Variants in MMP16 observed in about 807,000 individuals in gnomAD.
MMP16 encodes matrix metallopeptidase 16, also known as matrix metalloproteinase-16.
In MMP16, 12 loss-of-function variants were observed where a neutral mutation model predicts 67.8. That is an observed-to-expected ratio of 0.18 (90% CI 0.11 to 0.29). MMP16 has a LOEUF of 0.29. MMP16 is among the 10% of genes least tolerant of loss of function. MMP16 has a pLI of 1.00. For synonymous variants in MMP16, 249 were observed against 255.9 expected (o/e 0.97, Z 0.26); for missense variants, 475 against 765.7 (o/e 0.62, Z 4.48).
intron 1 of MMP16, among the ~76,000 whole-genome samples, chr8:88,206,199 T>C (rs375584553): frequency 2.0e-5 from 3 of 152,116 alleles, no homozygotes; most frequent in East Asian, 1.9e-4. Flanking sequence ...ACTTTGATGG[T>C]GTTAAGTACA....
chr8:88,255,131 T>C lies in MMP16; in HGVS notation c.133-57825A>G, dbSNP rs73290632. On this transcript the variant is annotated intron_variant, in intron 1 of 9. Coordinates refer to ENST00000286614, the MANE Select transcript of MMP16 (RefSeq NM_005941.5). ...GGACATGGGGCCTGGCAGAAGATGT[T>C]TGGGTCATGGGGATGGACCCCTCAT... Among the ~76,000 whole-genome samples, 486 of 152,214 alleles carry C rather than the reference T, an allele frequency of 3.2e-3. 1 individual carries two copies. The highest frequency in any genetic ancestry group is 0.011 in the African/African-American group (473 of 41,552).
intron 1 of MMP16, among the ~76,000 whole-genome samples, chr8:88,231,739 A>G (rs533019655): frequency 2.4e-4 from 36 of 152,200 alleles, no homozygotes; most frequent in Non-Finnish European, 4.3e-4. Context: ...AAAGATATCA[A>G]CTTCACCCAA....
At position 88,239,495 on chromosome 8, in the gene MMP16, C is replaced by T. The variant is rs961258377; in HGVS notation, c.133-42189G>A. Among the ~76,000 whole-genome samples the T allele has an allele frequency of 2.7e-5, 4 of 150,758 alleles. 1 individual carries two copies. Among genetic ancestry groups the T allele is most frequent in the South Asian group, 4.2e-4 (2 of 4,774 alleles). ...TGCAAACCATTATCTTGGCATCTAC[C>T]GTAAGTTCTCTGGAAATAGCTGAGT... On this transcript the variant is annotated intron_variant, in intron 1 of 9. Coordinates refer to ENST00000286614, the MANE Select transcript of MMP16 (RefSeq NM_005941.5).
chr8:88,111,074 C>T (rs983922969), intron 6 of MMP16, among the ~76,000 whole-genome samples: 2 of 151,506 alleles, frequency 1.3e-5, no homozygotes, highest in African/African-American at 4.8e-5. Flanking sequence ...GGATCTGACT[C>T]GAAGTCTATC....
At chr8:88,292,458 C>T (rs895856919) in intron 1 of MMP16, among the ~76,000 whole-genome samples, 1 of 152,198 alleles carries the variant, frequency 6.6e-6, no homozygotes, top group African/African-American at 2.4e-5. Flanking sequence ...CTAGGTGCAG[C>T]TACTCTCCTA....
At chr8:88,075,745 A>G (rs2118286049) in intron 6 of MMP16, among the ~76,000 whole-genome samples, 1 of 152,294 alleles carries the variant, frequency 6.6e-6, no homozygotes, top group African/African-American at 2.4e-5. Context: ...CTTGGAAGTT[A>G]AGTATATCCA....
At chr8:88,148,137 C>T (rs1054126155) in intron 4 of MMP16, among the ~76,000 whole-genome samples, 6 of 152,154 alleles carry the variant, frequency 3.9e-5, no homozygotes, top group Non-Finnish European at 8.8e-5. Flanking sequence ...TTTATTCTTA[C>T]TATTGCATTT....
intron 1 of MMP16, among the ~76,000 whole-genome samples, chr8:88,323,015 G>A (rs185503168): frequency 6.0e-4 from 92 of 152,190 alleles, no homozygotes; most frequent in South Asian, 2.9e-3. Flanking sequence ...GCAATCTTGC[G>A]GTACATAAAA....
At chr8:88,045,546 T>TC (rs1808188835) in intron 9 of MMP16, among the ~76,000 whole-genome samples, 1 of 152,062 alleles carries the variant, frequency 6.6e-6, no homozygotes, top group East Asian at 1.9e-4. Context: ...TATTTTTTTA[T>TC]ATTTTTAGTA....
chr8:88,180,225 G>A (rs908990918), intron 3 of MMP16, among the ~76,000 whole-genome samples: 1 of 151,598 alleles, frequency 6.6e-6, no homozygotes, highest in Non-Finnish European at 1.5e-5. Context: ...AGGTTGCAGC[G>A]AGCTGAGATT....
chr8:88,282,729 G>C (rs1475887336), intron 1 of MMP16, among the ~76,000 whole-genome samples: 1 of 152,044 alleles, frequency 6.6e-6, no homozygotes, highest in Non-Finnish European at 1.5e-5. Flanking sequence ...AATGTGTTTT[G>C]TTTTGTTTTT....
chr8:88,234,630 T>A (rs1001178312), intron 1 of MMP16, among the ~76,000 whole-genome samples: 1 of 152,218 alleles, frequency 6.6e-6, no homozygotes, highest in Non-Finnish European at 1.5e-5. Flanking sequence ...TTAGGACAAA[T>A]AGAGCAAACT....
At chr8:88,134,135 A>G (rs943443246) in intron 4 of MMP16, among the ~76,000 whole-genome samples, 4 of 151,796 alleles carry the variant, frequency 2.6e-5, no homozygotes, top group Non-Finnish European at 4.4e-5. Context: ...TTATTTTATA[A>G]CATATGCTTC....
chr8:88,192,949 A>G (rs1030911890), intron 2 of MMP16, among the ~76,000 whole-genome samples: 5 of 152,122 alleles, frequency 3.3e-5, no homozygotes, highest in African/African-American at 4.8e-5. Context: ...CTTATACACT[A>G]CTGATGGAAA....
At chr8:88,149,152 C>A (rs12674820) in intron 4 of MMP16, among the ~76,000 whole-genome samples, 1 of 152,018 alleles carries the variant, frequency 6.6e-6, no homozygotes, top group East Asian at 1.9e-4. Context: ...GCTTTTCAGA[C>A]GGGCTTAAAA....
At chr8:88,065,942 C>G (rs1234763446) in intron 7 of MMP16, among the ~76,000 whole-genome samples, 3 of 152,060 alleles carry the variant, frequency 2.0e-5, no homozygotes, top group African/African-American at 2.4e-5. Flanking sequence ...CTTGTGTATG[C>G]CATTTTTATT....
Position 88,317,181 on chromosome 8 carries a change from G to GA in MMP16, c.132+9893dup, listed in dbSNP as rs538554221. ...GTTTGTCAGGATTGACTCTAATTTT[G>GA]AAAAAAGTTCTACTGTGGGTAAAAA... On this transcript the variant is annotated intron_variant, in intron 1 of 9. Coordinates refer to ENST00000286614, the MANE Select transcript of MMP16 (RefSeq NM_005941.5). Among the ~76,000 whole-genome samples, 361 of 152,160 alleles carry GA rather than the reference G, an allele frequency of 2.4e-3. 2 individuals carry two copies. In the Middle Eastern group the frequency reaches 0.027, roughly 11 times the overall value.
chr8:88,144,627 A>G (rs1204611166), intron 4 of MMP16, among the ~76,000 whole-genome samples: 3 of 152,070 alleles, frequency 2.0e-5, no homozygotes, highest in East Asian at 1.9e-4. Flanking sequence ...TCCATTTTAT[A>G]TATGTAAAAA....
intron 6 of MMP16, among the ~76,000 whole-genome samples, chr8:88,114,616 C>T (rs1026150826): frequency 5.3e-5 from 8 of 151,818 alleles, no homozygotes; most frequent in Admixed American, 2.0e-4. Flanking sequence ...TGTGACAAAA[C>T]GTTCTCTAGG....
Sources: allele counts gnomAD v4.1 joint callset (sites outside exome capture counted in the v4.1 genomes callset), GRCh38; gene constraint gnomAD v4.1.1; transcripts MANE v1.5; gene names NCBI Gene and HGNC (gene_info 2026-07-23, HGNC 2026-07-21).